Variants in NR3C2 observed in about 807,000 individuals in gnomAD.
NR3C2 encodes the protein nuclear receptor subfamily 3 group C member 2, also known as mineralocorticoid receptor.
Under a neutral mutation model 86.4 loss-of-function variants are expected in NR3C2, and 15 were observed. The observed-to-expected ratio is 0.17, with a 90% CI of 0.12 to 0.27. NR3C2 has a LOEUF of 0.27. Ranked by LOEUF, NR3C2 falls within the 10% of genes least tolerant of loss-of-function variation. The pLI, the probability that NR3C2 is intolerant of heterozygous loss-of-function variation, is 1.00. For synonymous variants in NR3C2, 458 were observed against 450.5 expected, an observed-to-expected ratio of 1.02 and a Z score of -0.21; for missense variants, 960 against 1,195.6, an observed-to-expected ratio of 0.80 and a Z score of 2.91.
At chr4:148,393,322 T>C (rs1292596123) in intron 2 of NR3C2, among the ~76,000 whole-genome samples, 2 of 152,218 alleles carry the variant, frequency 1.3e-5, no homozygotes, top group East Asian at 1.9e-4. Flanking sequence ...AGGTGTACAT[T>C]AGAAGCACGT....
chr4:148,147,601 A>G (rs1733928075), intron 6 of NR3C2, among the ~76,000 whole-genome samples: 1 of 152,190 alleles, frequency 6.6e-6, no homozygotes, highest in South Asian at 2.1e-4. Flanking sequence ...GCAGAGATAC[A>G]CGTACTTAAG....
intron 2 of NR3C2, among the ~76,000 whole-genome samples, chr4:148,391,096 T>A (rs867347631): frequency 6.6e-6 from 1 of 152,232 alleles, no homozygotes; most frequent in Non-Finnish European, 1.5e-5. Context: ...ATAGAGGAAC[T>A]GATAGCATAA....
chr4:148,279,304 T>A (rs1741120214), intron 2 of NR3C2, among the ~76,000 whole-genome samples: 2 of 152,234 alleles, frequency 1.3e-5, no homozygotes. Flanking sequence ...GAGGAAAAAT[T>A]GCAGAAGCTG....
In NR3C2 at chr4:148,114,144, C is replaced by T; in HGVS notation, c.2759G>A (p.Arg920Lys). 1 of 1,613,762 alleles carries T rather than the reference C, an allele frequency of 6.2e-7. No individual in the cohort carries two copies. The highest frequency in any genetic ancestry group is 8.5e-7 in the Non-Finnish European group (1 of 1,179,938). ...CAGCAGCTTGGTCAGTTGGTAGAAC[C>T]TCTGCCAGCTCTGCCCAGAATTGTT... ...CPNNSGQSWQRFYQLTKLLDS... is the reference protein window; with the variant it reads ...CPNNSGQSWQKFYQLTKLLDS... The change falls in exon 8 of 9, where the codon AGG becomes AAG. Residue 920 changes from arginine to lysine, a missense_variant. Transcript: ENST00000358102.
chr4:148,363,504 C>CTTTTTTTTTTT lies in NR3C2; in HGVS notation c.1757+71599_1757+71600insAAAAAAAAAAA, dbSNP rs1375693723. ...ATTAAAGTCTAGACTTCTCATAGAT[C>CTTTTTTTTTTT]TCTTTTTTTTTTTTTTTGAGACGGA... On this transcript the variant is annotated intron_variant, in intron 2 of 8. Coordinates refer to ENST00000358102, the MANE Select transcript of NR3C2 (RefSeq NM_000901.5). Among the ~76,000 whole-genome samples, 356 of 69,704 alleles carry CTTTTTTTTTTT rather than the reference C, an allele frequency of 5.1e-3. 65 individuals carry two copies. Among genetic ancestry groups the CTTTTTTTTTTT allele is most frequent in the Admixed American group, 9.7e-3 (48 of 4,942 alleles). The allele number at this position is 69,704 out of a possible 152,430, so 45.7% of individuals were successfully genotyped here. A position where few individuals can be genotyped will look rare whatever the true frequency, so the allele number is the denominator to read the frequency against.
At chr4:148,375,967 T>A (rs778617126) in intron 2 of NR3C2, among the ~76,000 whole-genome samples, 1 of 152,120 alleles carries the variant, frequency 6.6e-6, no homozygotes, top group Non-Finnish European at 1.5e-5. Flanking sequence ...CAATACAAAA[T>A]CAATTTTTAA....
chr4:148,220,848 T>G (rs1737802838), intron 3 of NR3C2, among the ~76,000 whole-genome samples: 1 of 152,094 alleles, frequency 6.6e-6, no homozygotes, highest in Non-Finnish European at 1.5e-5. Flanking sequence ...AATCAACCAA[T>G]CTCTAAAAAT....
chr4:148,194,661 G>A (rs1052508610), intron 4 of NR3C2, 85 bp downstream of exon 4: 92 of 905,626 alleles, frequency 1.0e-4, no homozygotes, highest in Non-Finnish European at 1.4e-4. Context: ...TGTTGGCTTC[G>A]TTTTCAATTT....
intron 3 of NR3C2, among the ~76,000 whole-genome samples, chr4:148,207,073 G>A (rs1277620082): frequency 2.6e-5 from 4 of 151,874 alleles, no homozygotes; most frequent in African/African-American, 9.7e-5. Context: ...AGGTGCATGC[G>A]CCCATGCCTG....
intron 3 of NR3C2, among the ~76,000 whole-genome samples, chr4:148,204,064 C>A (rs1579008983): frequency 6.6e-6 from 1 of 152,082 alleles, no homozygotes; most frequent in Non-Finnish European, 1.5e-5. Context: ...CATAAACATT[C>A]TTCTTGTTGT....
chr4:148,353,841 C>T (rs187112138), intron 2 of NR3C2, among the ~76,000 whole-genome samples: 5 of 152,190 alleles, frequency 3.3e-5, no homozygotes, highest in Admixed American at 3.3e-4. Context: ...AGAGTTTCAC[C>T]TTAGGCCAAC....
chr4:148,175,958 G>A (rs1338758038), intron 4 of NR3C2, among the ~76,000 whole-genome samples: 3 of 152,182 alleles, frequency 2.0e-5, no homozygotes, highest in African/African-American at 2.4e-5. Context: ...CAGCCTAAGC[G>A]ACAGCAAGAT....
chr4:148,189,101 G>A (rs1736075842), intron 4 of NR3C2, among the ~76,000 whole-genome samples: 2 of 151,848 alleles, frequency 1.3e-5, no homozygotes, highest in South Asian at 4.2e-4. Flanking sequence ...GCTAATTTTT[G>A]TATTTTTAGT....
chr4:148,182,591 C>T (rs764821628), intron 4 of NR3C2, among the ~76,000 whole-genome samples: 1 of 152,170 alleles, frequency 6.6e-6, no homozygotes. Flanking sequence ...AGGCAGAAAA[C>T]AGTAACAAAT....
In NR3C2 at chr4:148,435,468, C is replaced by T; in HGVS notation, c.1393G>A (p.Asp465Asn). Residue 465 changes from aspartate (D) to asparagine (N), a missense_variant, in exon 2 of 9, where the codon GAC becomes AAC. Asp to Asn is a conservative substitution (Grantham distance 23, BLOSUM62 1). Coordinates refer to ENST00000358102, the MANE Select transcript of NR3C2 (RefSeq NM_000901.5). Reference protein sequence around the residue: ...GSYFSFMDDKDYYSLSGILGP... With the variant: ...GSYFSFMDDKNYYSLSGILGP... ...AAAATTCCTGATAGGGAATAATAGT[C>T]TTTATCATCCATAAAGGAAAAATAC... The T allele has an allele frequency of 6.2e-7, 1 of 1,614,120 alleles. No homozygotes were observed. Among genetic ancestry groups the T allele is most frequent in the Non-Finnish European group, 8.5e-7 (1 of 1,180,006 alleles).
At chr4:148,301,733 C>T (rs1398348269) in intron 2 of NR3C2, among the ~76,000 whole-genome samples, 3 of 152,160 alleles carry the variant, frequency 2.0e-5, no homozygotes, top group Non-Finnish European at 4.4e-5. Flanking sequence ...GGGTTTTACA[C>T]TTGTAACATA....
At position 148,243,680 on chromosome 4, in the gene NR3C2, C is replaced by T. The variant is rs191145895; in HGVS notation, c.1897+16298G>A. On this transcript the variant is annotated intron_variant, in intron 3 of 8. Transcript: ENST00000358102. ...ATGGGGTACACTTAACAGCTCAGAACAGAGCTCATGAGTAGTTCCCTGCTA... is the reference window on the plus strand; with the variant it reads ...ATGGGGTACACTTAACAGCTCAGAATAGAGCTCATGAGTAGTTCCCTGCTA... Among the ~76,000 whole-genome samples, 19 of 152,274 alleles carry T rather than the reference C, an allele frequency of 1.2e-4. 1 individual carries two copies. The highest frequency in any genetic ancestry group is 6.8e-3 in the Middle Eastern group (2 of 294).
chr4:148,377,770 C>T (rs1746751941), intron 2 of NR3C2, among the ~76,000 whole-genome samples: 1 of 151,678 alleles, frequency 6.6e-6, no homozygotes, highest in Admixed American at 6.6e-5. Flanking sequence ...AGAGTAGTTT[C>T]CTGAGACTTT....
chr4:148,212,672 T>C (rs947791592), intron 3 of NR3C2, among the ~76,000 whole-genome samples: 4 of 152,222 alleles, frequency 2.6e-5, no homozygotes, highest in African/African-American at 2.4e-5. Flanking sequence ...AGATGTTCCT[T>C]TGAATAAAAT....
Sources: allele counts gnomAD v4.1 joint callset (sites outside exome capture counted in the v4.1 genomes callset), GRCh38; gene constraint gnomAD v4.1.1; transcripts MANE v1.5; gene names NCBI Gene and HGNC (gene_info 2026-07-23, HGNC 2026-07-21).